Variants in CHSY3 observed in about 807,000 individuals in gnomAD.
CHSY3 encodes N-acetylgalactosaminyl-proteoglycan 3-beta-glucuronosyltransferase 3.
CHSY3 carries 35 observed loss-of-function variants against 67.2 expected under a neutral mutation model. The observed-to-expected ratio is 0.52, with a 90% CI of 0.40 to 0.69. The LOEUF is 0.69. Among genes scored for constraint, CHSY3 ranks in the 30% least tolerant of loss-of-function variants. The probability of loss-of-function intolerance (pLI) is 0.00; values close to 1 mark genes in which losing one functional copy is unlikely to be tolerated. For synonymous variants in CHSY3, 474 were observed against 434.7 expected (o/e 1.09, Z -1.12); for missense variants, 1,069 against 1,138.5 (o/e 0.94, Z 0.88).
At chr5:130,018,966 C>A (rs1172881263) in intron 2 of CHSY3, among the ~76,000 whole-genome samples, 1 of 152,094 alleles carries the variant, frequency 6.6e-6, no homozygotes, top group Admixed American at 6.5e-5. Flanking sequence ...TCCCCTCGGA[C>A]CATCTCTGCC....
chr5:129,905,172 G>A lies in CHSY3; in HGVS notation c.343G>A (p.Gly115Arg), dbSNP rs551717412. Reference protein sequence around the residue: ...QPPPLQQRRRGREPEGATGLP... With the variant: ...QPPPLQQRRRRREPEGATGLP... ...ACCTCCGCTGCAGCAGCGGCGGCGA[G>A]GACGCGAGCCTGAGGGCGCGACGGG... is the stretch of plus-strand genomic sequence containing the variant. The change falls in exon 1 of 3, where the codon GGA becomes AGA. Residue 115 changes from glycine to arginine, a missense_variant. Gly to Arg is a moderately radical substitution (Grantham distance 125). Coordinates refer to ENST00000305031, the MANE Select transcript of CHSY3 (RefSeq NM_175856.5). The A allele has an allele frequency of 5.9e-6, 9 of 1,525,226 alleles. No individual in the cohort carries two copies. Among genetic ancestry groups the A allele is most frequent in the Middle Eastern group, 1.8e-4 (1 of 5,524 alleles). The allele number at this position is 1,525,226 out of a possible 1,614,324, so 94.5% of individuals were successfully genotyped here.
intron 1 of CHSY3, 83 bp from the exon 2 acceptor site, chr5:129,907,994 T>C: frequency 6.6e-7 from 1 of 1,515,706 alleles, no homozygotes; most frequent in Non-Finnish European, 8.8e-7. Context: ...AAGCACAATG[T>C]TGAAAGTTCT....
chr5:130,178,238 T>TAA, intron 2 of CHSY3, among the ~76,000 whole-genome samples: 1 of 65,420 alleles, frequency 1.5e-5, no homozygotes, highest in Non-Finnish European at 2.9e-5. Context: ...TATATATATA[T>TAA]ATATATATAT....
intron 2 of CHSY3, among the ~76,000 whole-genome samples, chr5:130,159,373 C>T (rs902675959): frequency 6.6e-6 from 1 of 151,882 alleles, no homozygotes; most frequent in Non-Finnish European, 1.5e-5. Context: ...CCATGTTGCC[C>T]AGGCTGGTCT....
intron 2 of CHSY3, among the ~76,000 whole-genome samples, chr5:129,981,059 A>T (rs866245420): frequency 0.021 from 3,163 of 150,448 alleles, 108 homozygotes; most frequent in African/African-American, 0.071. Context: ...ACAAAAAAAA[A>T]AAAAAAAAAA....
At chr5:130,056,824 T>G (rs1372811674) in intron 2 of CHSY3, among the ~76,000 whole-genome samples, 1 of 152,016 alleles carries the variant, frequency 6.6e-6, no homozygotes, top group African/African-American at 2.4e-5. Context: ...TTGATGGGGT[T>G]GTTAAGAGGA....
intron 2 of CHSY3, chr5:130,140,423 A>C: frequency 1.2e-6 from 1 of 865,782 alleles, no homozygotes; most frequent in Non-Finnish European, 1.8e-6. Flanking sequence ...GCAGAAACCT[A>C]CCTTGGAAAG....
chr5:130,007,730 C>CA (rs1324113974), intron 2 of CHSY3, among the ~76,000 whole-genome samples: 1 of 152,106 alleles, frequency 6.6e-6, no homozygotes. Flanking sequence ...CAGTTACACT[C>CA]ACGCCTCAAG....
chr5:130,145,705 CAGTGGG>C (rs1236284795), intron 2 of CHSY3, among the ~76,000 whole-genome samples: 1 of 152,068 alleles, frequency 6.6e-6, no homozygotes, highest in African/African-American at 2.4e-5. Context: ...ATACATCTGA[CAGTGGG>C]TTAATATCCA....
At chr5:130,006,187 A>G (rs1476958857) in intron 2 of CHSY3, among the ~76,000 whole-genome samples, 2 of 152,174 alleles carry the variant, frequency 1.3e-5, no homozygotes, top group African/African-American at 4.8e-5. Flanking sequence ...TTCAACAAAA[A>G]CAAGGAGGAA....
intron 2 of CHSY3, among the ~76,000 whole-genome samples, chr5:130,131,306 A>G (rs1230137076): frequency 6.6e-6 from 1 of 151,974 alleles, no homozygotes; most frequent in Admixed American, 6.6e-5. Context: ...TCTAGACACC[A>G]CTGTTGCCTC....
At chr5:129,934,529 G>A (rs886839697) in intron 2 of CHSY3, among the ~76,000 whole-genome samples, 1 of 152,152 alleles carries the variant, frequency 6.6e-6, no homozygotes, top group Non-Finnish European at 1.5e-5. Flanking sequence ...CTGTGATTAT[G>A]ATAGCCTATT....
At position 130,096,054 on chromosome 5, in the gene CHSY3, ATTGAGAAACTG is replaced by A. The variant is rs561845628; in HGVS notation, c.1087-88172_1087-88162del. Among the ~76,000 whole-genome samples the A allele has an allele frequency of 2.3e-4, 35 of 152,348 alleles. No homozygotes were observed. In the South Asian group the frequency reaches 6.8e-3, roughly 30 times the overall value. ...CTCAAGGTCATGAATGATAAGGAAG[ATTGAGAAACTG>A]TTACGGACTCAGGGTGACTAAGGGC... On this transcript the variant is annotated intron_variant, in intron 2 of 2. Coordinates refer to ENST00000305031, the MANE Select transcript of CHSY3 (RefSeq NM_175856.5).
intron 2 of CHSY3, among the ~76,000 whole-genome samples, chr5:130,180,515 GT>G (rs530203321): frequency 6.6e-6 from 1 of 152,014 alleles, no homozygotes; most frequent in East Asian, 1.9e-4. Flanking sequence ...ATCAACTCCT[GT>G]TTTGTTTTTG....
chr5:129,985,376 G>C (rs1003407996), intron 2 of CHSY3, among the ~76,000 whole-genome samples: 1 of 151,966 alleles, frequency 6.6e-6, no homozygotes, highest in African/African-American at 2.4e-5. Context: ...CTGTTCTTTT[G>C]GTCTGTGTGT....
chr5:130,183,708 T>C (rs1030824003), intron 2 of CHSY3, among the ~76,000 whole-genome samples: 2 of 152,102 alleles, frequency 1.3e-5, no homozygotes, highest in South Asian at 2.1e-4. Context: ...GTTGATTTCA[T>C]AGGACTAGAG....
chr5:130,152,885 A>G (rs1383550260), intron 2 of CHSY3, among the ~76,000 whole-genome samples: 3 of 152,182 alleles, frequency 2.0e-5, no homozygotes, highest in Admixed American at 6.6e-5. Flanking sequence ...ACTTCTGTGT[A>G]CATCATCTCT....
intron 2 of CHSY3, among the ~76,000 whole-genome samples, chr5:130,034,095 C>T (rs942786072): frequency 1.3e-5 from 2 of 152,056 alleles, no homozygotes; most frequent in Admixed American, 1.3e-4. Context: ...TAACGTTCCC[C>T]AGATGTTTGT....
Position 130,184,843 on chromosome 5 carries a change from C to T in CHSY3, c.1701C>T (p.Phe567=), listed in dbSNP as rs558345293. ...GTCATGCCTATCTTCAGCAGTTGTTCAGCAAGCCTTTCTTCAGAGAGACCG... is the reference window on the plus strand; with the variant it reads ...GTCATGCCTATCTTCAGCAGTTGTTTAGCAAGCCTTTCTTCAGAGAGACCG... ...VRRHAYLQQL[F]SKPFFRETEE... Residue 567 remains phenylalanine, a synonymous_variant, in exon 3 of 3, where the codon TTC becomes TTT. Coordinates refer to ENST00000305031, the MANE Select transcript of CHSY3 (RefSeq NM_175856.5). 6.2e-6 allele frequency: 10 copies of T among 1,608,826 alleles called. No individual in the cohort carries two copies. In the South Asian group the frequency reaches 9.9e-5, roughly 16 times the overall value.
Sources: gnomAD v4.1 joint callset for allele counts (sites outside exome capture counted in the v4.1 genomes callset) on GRCh38, gnomAD v4.1.1 for gene constraint, MANE v1.5 for transcripts, NCBI Gene and HGNC (gene_info 2026-07-23, HGNC 2026-07-21) for gene names.